HYCC2: variants seen among roughly 807,000 people sequenced by gnomAD.
HYCC2 encodes the protein hyccin PI4KA lipid kinase complex subunit 2.
chr2:200,998,491 C>T, the HYCC2 span, among the ~76,000 whole-genome samples: 82 of 152,300 alleles, frequency 5.4e-4, no homozygotes, highest in African/African-American at 1.9e-3. Flanking sequence ...AATTTTACGC[C>T]TCTATGTCTC....
chr2:201,010,157 T>G, the HYCC2 span, among the ~76,000 whole-genome samples: 1 of 151,922 alleles, frequency 6.6e-6, no homozygotes, highest in South Asian at 2.1e-4. Flanking sequence ...TTTAATACTT[T>G]ACTACTCTCC....
chr2:201,022,445 T>C, the HYCC2 span: 3 of 229,630 alleles, frequency 1.3e-5, no homozygotes, highest in South Asian at 1.1e-4. Flanking sequence ...TATACCTAGT[T>C]ATATATTATC....
the HYCC2 span, chr2:201,008,935 A>T: frequency 8.5e-7 from 1 of 1,172,428 alleles, no homozygotes; most frequent in East Asian, 2.3e-5. Flanking sequence ...ATGCATACAT[A>T]CATACAAGTT....
the HYCC2 span, among the ~76,000 whole-genome samples, chr2:201,042,551 G>A: frequency 1.3e-5 from 2 of 150,980 alleles, no homozygotes; most frequent in East Asian, 2.0e-4. Context: ...GGGAGGTGAG[G>A]AGCGTCTCTG....
the HYCC2 span, chr2:201,071,616 C>G: frequency 1.3e-5 from 2 of 153,916 alleles, no homozygotes; most frequent in South Asian, 4.0e-4. Context: ...CTACCTGTCA[C>G]CCTGCTGTCT....
At chr2:201,004,095 C>G in the HYCC2 span, among the ~76,000 whole-genome samples, 1 of 152,096 alleles carries the variant, frequency 6.6e-6, no homozygotes, top group Non-Finnish European at 1.5e-5. Flanking sequence ...GGATTACAGG[C>G]GTGAGCCACC....
At chr2:201,026,687 A>G in the HYCC2 span, among the ~76,000 whole-genome samples, 1 of 152,224 alleles carries the variant, frequency 6.6e-6, no homozygotes, top group South Asian at 2.1e-4. Flanking sequence ...ACTACATGGA[A>G]AGTGAATAAC....
the HYCC2 span, among the ~76,000 whole-genome samples, chr2:201,026,058 T>C: frequency 6.6e-6 from 1 of 152,114 alleles, no homozygotes; most frequent in Admixed American, 6.6e-5. Flanking sequence ...GTATGCTGTA[T>C]TCAGGAGACC....
At chr2:200,996,715 C>T in the HYCC2 span, 3 of 152,210 alleles carry the variant, frequency 2.0e-5, no homozygotes, top group African/African-American at 4.8e-5. Flanking sequence ...AAATGAGACA[C>T]ACACATCATT....
At chr2:201,000,413 G>A in the HYCC2 span, among the ~76,000 whole-genome samples, 1 of 152,092 alleles carries the variant, frequency 6.6e-6, no homozygotes, top group Admixed American at 6.6e-5. Flanking sequence ...AATATGCAGA[G>A]CTAAAGCATA....
the HYCC2 span, among the ~76,000 whole-genome samples, chr2:201,012,259 A>T: frequency 9.2e-5 from 14 of 152,270 alleles, no homozygotes; most frequent in African/African-American, 2.6e-4. Flanking sequence ...CAGAAGTTTG[A>T]GACCAGCCTA....
the HYCC2 span, among the ~76,000 whole-genome samples, chr2:201,038,561 C>T: frequency 4.5e-3 from 682 of 152,146 alleles, 5 homozygotes; most frequent in African/African-American, 0.016. Flanking sequence ...TACTATGCAG[C>T]CATAAAAAAG....
chr2:201,070,652 CA>C, the HYCC2 span, among the ~76,000 whole-genome samples: 133 of 139,090 alleles, frequency 9.6e-4, 1 homozygote, highest in South Asian at 3.8e-3. Context: ...AACTCCGTCT[CA>C]AAAAAAAAAA....
the HYCC2 span, among the ~76,000 whole-genome samples, chr2:201,047,434 G>A: frequency 1.6e-5 from 2 of 126,810 alleles, no homozygotes; most frequent in East Asian, 1.9e-4. Context: ...GTGTGTGTGT[G>A]TCACAGTTCT....
At chr2:200,996,819 T>C in the HYCC2 span, 1 of 152,170 alleles carries the variant, frequency 6.6e-6, no homozygotes, top group Non-Finnish European at 1.5e-5. Context: ...TCCCCATATA[T>C]AGCACTATTT....
the HYCC2 span, among the ~76,000 whole-genome samples, chr2:201,010,855 A>T: frequency 6.6e-6 from 1 of 152,022 alleles, no homozygotes; most frequent in East Asian, 1.9e-4. Context: ...AGAGTAAAAA[A>T]TGATGGTAGA....
At chr2:201,010,922 G>A in the HYCC2 span, among the ~76,000 whole-genome samples, 6 of 151,844 alleles carry the variant, frequency 4.0e-5, no homozygotes, top group African/African-American at 7.3e-5. Flanking sequence ...CTAGGCGGGC[G>A]GATCACAAGG....
the HYCC2 span, among the ~76,000 whole-genome samples, chr2:201,006,372 C>T: frequency 6.6e-6 from 1 of 150,656 alleles, no homozygotes; most frequent in Non-Finnish European, 1.5e-5. Context: ...AACTCCTGAC[C>T]TCAGGTGATC....
the HYCC2 span, among the ~76,000 whole-genome samples, chr2:201,056,858 C>T: frequency 6.6e-6 from 1 of 152,146 alleles, no homozygotes; most frequent in Admixed American, 6.5e-5. Context: ...ATTTCTTAAC[C>T]TTGGCACTAT....
Sources: gnomAD v4.1 joint callset for allele counts (sites outside exome capture counted in the v4.1 genomes callset) on GRCh38, gnomAD v4.1.1 for gene constraint, MANE v1.5 for transcripts, NCBI Gene and HGNC (gene_info 2026-07-23, HGNC 2026-07-21) for gene names.